PLGRKT: variants seen among roughly 807,000 people sequenced by gnomAD.
The protein encoded by PLGRKT is plasminogen receptor with a C-terminal lysine, also known as plasminogen receptor (KT).
PLGRKT carries 22 observed loss-of-function variants against 18.5 expected under a neutral mutation model. The ratio of observed to expected loss-of-function variants is 1.19; its 90% confidence interval spans 0.85 to 1.70. The LOEUF is 1.70. Among genes scored for constraint, PLGRKT ranks in the 40% most tolerant of loss-of-function variants. PLGRKT has a pLI of 0.00. For synonymous variants in PLGRKT, 72 were observed against 52.8 expected (o/e 1.36, Z -1.58); for missense variants, 235 against 174.4 (o/e 1.35, Z -1.96).
At position 5,367,020 on chromosome 9, in the gene PLGRKT, T is replaced by TACACACAC. The variant is rs775299015; in HGVS notation, c.82-5140_82-5133dup. On this transcript the variant is annotated intron_variant, in intron 3 of 5. Transcript: ENST00000223864. ...ATCCCATTTACAACAGACAGACAGA[T>TACACACAC]ACACACACATACACACACACACACA... 1.4e-3 allele frequency among the ~76,000 whole-genome samples: 83 copies of TACACACAC among 58,220 alleles called. 1 individual carries two copies. The highest frequency in any genetic ancestry group is 4.1e-3 in the African/African-American group (70 of 17,024). 38.2% of individuals were successfully genotyped at this position (58,220 alleles called of 152,430 possible).
intron 3 of PLGRKT, among the ~76,000 whole-genome samples, chr9:5,368,066 T>C (rs1817433501): frequency 6.6e-6 from 1 of 151,972 alleles, no homozygotes; most frequent in Non-Finnish European, 1.5e-5. Flanking sequence ...GAATGGCTAT[T>C]AAAAAGATAA....
Position 5,418,267 on chromosome 9 carries a change from CA to C in PLGRKT, c.81+13629del. On this transcript the variant is annotated intron_variant, in intron 3 of 5. Transcript: ENST00000223864. This position sits in a 1 kb window ranked among gnomAD's most constrained non-coding sequence, Gnocchi z 4.2. Reference sequence around the variant, plus strand: ...CAAACCAGAGGCCAGCTCTCAGCACCAAATGGTCAGTGTCGCCCCCTCATCT... The same window carrying C: ...CAAACCAGAGGCCAGCTCTCAGCACCAATGGTCAGTGTCGCCCCCTCATCT... 1 of 438,660 alleles carries C rather than the reference CA, an allele frequency of 2.3e-6. No individual in the cohort carries two copies. The allele number at this position is 438,660 out of a possible 1,614,324, so 27.2% of individuals were successfully genotyped here.
chr9:5,408,399 C>T (rs1720251281), intron 3 of PLGRKT, among the ~76,000 whole-genome samples: 1 of 152,204 alleles, frequency 6.6e-6, no homozygotes, highest in Non-Finnish European at 1.5e-5. Context: ...GTGCCCCTGC[C>T]AAGGGATATG....
chr9:5,413,751 C>T (rs1429985839), intron 3 of PLGRKT, among the ~76,000 whole-genome samples: 4 of 152,146 alleles, frequency 2.6e-5, no homozygotes, highest in African/African-American at 9.7e-5. Context: ...TGTTTTAAAT[C>T]ACTAAGTTTG....
At position 5,377,666 on chromosome 9, in the gene PLGRKT, T is replaced by A. The variant is rs574836154; in HGVS notation, c.82-15778A>T. ...ACCTAAAGCAGACTCTAGGGAGGAC[T>A]ATTCTGCCTATAAGAATGCCGGAGA... On this transcript the variant is annotated intron_variant, in intron 3 of 5. Coordinates refer to ENST00000223864, the MANE Select transcript of PLGRKT (RefSeq NM_018465.4). Among the ~76,000 whole-genome samples, 6 of 152,332 alleles carry A rather than the reference T, an allele frequency of 3.9e-5. No individual in the cohort carries two copies. The South Asian group carries it at 1.2e-3, about 32-fold the overall frequency.
At chr9:5,420,774 A>G (rs1250188930) in intron 3 of PLGRKT, among the ~76,000 whole-genome samples, 1 of 152,182 alleles carries the variant, frequency 6.6e-6, no homozygotes, top group South Asian at 2.1e-4. Flanking sequence ...CTAAAAGCAC[A>G]CACTGCACTT....
intron 3 of PLGRKT, among the ~76,000 whole-genome samples, chr9:5,393,169 G>T (rs1439415247): frequency 6.6e-6 from 1 of 151,748 alleles, no homozygotes; most frequent in African/African-American, 2.4e-5. Context: ...AAAACTATTT[G>T]CGACATTATA....
At chr9:5,385,952 T>C (rs918354999) in intron 3 of PLGRKT, among the ~76,000 whole-genome samples, 1 of 151,836 alleles carries the variant, frequency 6.6e-6, no homozygotes, top group African/African-American at 2.4e-5. Flanking sequence ...TCAATAAATG[T>C]TGGTTCTTTA....
intron 2 of PLGRKT, among the ~76,000 whole-genome samples, chr9:5,436,315 A>C (rs1818958743): frequency 6.6e-6 from 1 of 152,254 alleles, no homozygotes; most frequent in Non-Finnish European, 1.5e-5. Context: ...ACTGTGGCTC[A>C]GGCCACTTGC....
intron 3 of PLGRKT, among the ~76,000 whole-genome samples, chr9:5,414,729 CACAGGGGTACGT>C (rs1195838242): frequency 6.6e-6 from 1 of 152,144 alleles, no homozygotes; most frequent in Non-Finnish European, 1.5e-5. Context: ...ATCTGTTTCT[CACAGGGGTACGT>C]ACTGGCAATT....
At chr9:5,434,592 G>T (rs1187822933) in intron 2 of PLGRKT, among the ~76,000 whole-genome samples, 1 of 143,326 alleles carries the variant, frequency 7.0e-6, no homozygotes, top group African/African-American at 2.7e-5. Context: ...GCCTCTGCCT[G>T]GCCGCCCCCT....
chr9:5,422,778 C>T (rs1241569075), intron 3 of PLGRKT, among the ~76,000 whole-genome samples: 6 of 151,220 alleles, frequency 4.0e-5, no homozygotes, highest in African/African-American at 1.5e-4. Context: ...CAAAAAGGGG[C>T]AAAAAGGCAA....
At chr9:5,427,771 C>T (rs1403207186) in intron 3 of PLGRKT, among the ~76,000 whole-genome samples, 1 of 152,156 alleles carries the variant, frequency 6.6e-6, no homozygotes, top group East Asian at 1.9e-4. Flanking sequence ...ATGTGAGATG[C>T]TCATAGAAAT....
At chr9:5,370,539 CA>C (rs886651233) in intron 3 of PLGRKT, among the ~76,000 whole-genome samples, 2 of 152,152 alleles carry the variant, frequency 1.3e-5, no homozygotes, top group African/African-American at 4.8e-5. Context: ...TTTCCAATGA[CA>C]TTTTAATTTA....
chr9:5,408,342 C>T (rs575697959), intron 3 of PLGRKT, among the ~76,000 whole-genome samples: 20 of 152,276 alleles, frequency 1.3e-4, no homozygotes, highest in South Asian at 1.0e-3. Flanking sequence ...CTATGGGAAG[C>T]GGAGCAGTCA....
At chr9:5,394,735 T>A (rs1344302424) in intron 3 of PLGRKT, among the ~76,000 whole-genome samples, 3 of 151,888 alleles carry the variant, frequency 2.0e-5, no homozygotes, top group Non-Finnish European at 4.4e-5. Flanking sequence ...TAAATATAAC[T>A]TTTCATTTAG....
At chr9:5,393,838 G>C (rs1817993783) in intron 3 of PLGRKT, among the ~76,000 whole-genome samples, 1 of 151,804 alleles carries the variant, frequency 6.6e-6, no homozygotes, top group African/African-American at 2.4e-5. Flanking sequence ...AAAGAGAATA[G>C]ATTTCCGTTT....
In PLGRKT at chr9:5,418,541, G is replaced by T; in HGVS notation, c.81+13356C>A. ...TGCTCCTCCTCCGCCACCCCCTGGGGAGCCCTGCCTTGCAGAGGCTGCTGT... is the reference window on the plus strand; with the variant it reads ...TGCTCCTCCTCCGCCACCCCCTGGGTAGCCCTGCCTTGCAGAGGCTGCTGT... On this transcript the variant is annotated intron_variant, in intron 3 of 5. Coordinates refer to ENST00000223864, the MANE Select transcript of PLGRKT (RefSeq NM_018465.4). The surrounding 1 kb of genome is among the most constrained non-coding windows in gnomAD (Gnocchi z 4.2). The T allele has an allele frequency of 1.1e-6, 1 of 895,962 alleles. No homozygotes were observed. The allele number at this position is 895,962 out of a possible 1,614,324, so 55.5% of individuals were successfully genotyped here.
chr9:5,431,718 T>G (rs568246157), intron 3 of PLGRKT, among the ~76,000 whole-genome samples, 179 bp downstream of exon 3: 52 of 152,258 alleles, frequency 3.4e-4, no homozygotes, highest in African/African-American at 1.2e-3. Context: ...TTATCTGGAT[T>G]GGAGATTTAA....
Sources: allele counts gnomAD v4.1 joint callset (sites outside exome capture counted in the v4.1 genomes callset), GRCh38; gene constraint gnomAD v4.1.1; non-coding constraint Gnocchi (gnomAD v3.1); transcripts MANE v1.5; gene names NCBI Gene and HGNC (gene_info 2026-07-23, HGNC 2026-07-21).